The following MARK1 variants were observed in gnomAD, a reference collection of about 807,000 sequenced individuals.
MARK1 encodes the protein microtubule affinity regulating kinase 1.
MARK1 carries 40 observed loss-of-function variants against 96.3 expected under a neutral mutation model. The observed-to-expected ratio is 0.42, with a 90% CI of 0.32 to 0.54. The LOEUF is 0.54. MARK1 is among the 20% of genes least tolerant of loss of function. The pLI is 0.16. For synonymous variants in MARK1, 317 were observed against 341.2 expected (o/e 0.93, Z 0.78); for missense variants, 719 against 984.6 (o/e 0.73, Z 3.61).
chr1:220,647,479 GGGT>G, intron 13 of MARK1, among the ~76,000 whole-genome samples: 1 of 152,312 alleles, frequency 6.6e-6, no homozygotes, highest in South Asian at 2.1e-4. Context: ...GTGGAAGACA[GGGT>G]GGTGATTCCT....
At chr1:220,642,678 A>T (rs1668348040) in intron 13 of MARK1, among the ~76,000 whole-genome samples, 1 of 151,984 alleles carries the variant, frequency 6.6e-6, no homozygotes, top group Admixed American at 6.6e-5. Flanking sequence ...TCTGGGTGAG[A>T]CCTCCCAAGT....
At chr1:220,597,276 T>C (rs185755733) in intron 3 of MARK1, among the ~76,000 whole-genome samples, 39 of 152,276 alleles carry the variant, frequency 2.6e-4, no homozygotes, top group Admixed American at 2.2e-3. Context: ...GTTTTTAATT[T>C]CTTTAGGAAC....
In MARK1 at chr1:220,662,014, G is replaced by T. The variant is rs1186223503; in HGVS notation, c.2236G>T (p.Asp746Tyr). The T allele has an allele frequency of 2.5e-6, 4 of 1,614,128 alleles. No individual in the cohort carries two copies. The highest frequency in any genetic ancestry group is 3.3e-5 in the Admixed American group (2 of 60,010). ...ERFLLFCVHG[D>Y]ARQDSLVQWE... is the part of the protein sequence containing the mutation. Reference sequence around the variant, plus strand: ...ATTTTTGCTTTTCTGTGTCCATGGAGACGCTAGACAGGATAGCCTCGTGCA... The same window carrying T: ...ATTTTTGCTTTTCTGTGTCCATGGATACGCTAGACAGGATAGCCTCGTGCA... Residue 746 changes from aspartate to tyrosine, a missense_variant, in exon 18 of 18, where the codon GAC becomes TAC. Asp to Tyr is a radical substitution (Grantham distance 160). This residue lies in a region of MARK1 where 501 missense variants were observed against 588.3 expected (regional missense o/e 0.85). Transcript: ENST00000366917.
chr1:220,616,473 ATGGTT>A (rs1666755993), intron 7 of MARK1, among the ~76,000 whole-genome samples: 1 of 152,218 alleles, frequency 6.6e-6, no homozygotes, highest in South Asian at 2.1e-4. Context: ...TAGTCAATAA[ATGGTT>A]GTGCCACATA....
chr1:220,620,350 ACT>A (rs879647023), intron 9 of MARK1, among the ~76,000 whole-genome samples: 9 of 152,086 alleles, frequency 5.9e-5, no homozygotes, highest in African/African-American at 1.9e-4. Context: ...AAAATTTTTG[ACT>A]CTCATATCAG....
intron 4 of MARK1, among the ~76,000 whole-genome samples, chr1:220,598,811 C>T (rs765747851): frequency 1.2e-4 from 18 of 151,738 alleles, no homozygotes; most frequent in Non-Finnish European, 1.8e-4. Flanking sequence ...CTGGGCAACA[C>T]GGCAAAAAAA....
chr1:220,574,081 C>T (rs1663669718), intron 1 of MARK1, among the ~76,000 whole-genome samples: 1 of 152,128 alleles, frequency 6.6e-6, no homozygotes, highest in African/African-American at 2.4e-5. Flanking sequence ...TTTCTCTTGA[C>T]AGTGAATCAT....
At chr1:220,627,068 A>G in intron 9 of MARK1, 1 of 539,564 alleles carries the variant, frequency 1.9e-6, no homozygotes, top group Non-Finnish European at 3.8e-6. Context: ...TAACCAGAAC[A>G]CGAATGGTAC....
At position 220,664,250 on chromosome 1, in the gene MARK1, A is replaced by G. The variant is rs533867747; in HGVS notation, c.*2084A>G. 6.6e-6 allele frequency: 1 copy of G among 152,310 alleles called. No individual in the cohort carries two copies. The highest frequency in any genetic ancestry group is 2.1e-4 in the South Asian group (1 of 4,832). 9.4% of individuals were successfully genotyped at this position (152,310 alleles called of 1,614,324 possible). A position where few individuals can be genotyped will look rare whatever the true frequency, so the allele number is the denominator to read the frequency against. ...CTTCAATATCTTTTATGAACTAAAA[A>G]TGAAATCTTGATACTCACTTTAGAT... On this transcript the variant is annotated 3_prime_UTR_variant, in exon 18 of 18. Transcript: ENST00000366917.
chr1:220,624,696 T>TC (rs1318246473), intron 9 of MARK1, among the ~76,000 whole-genome samples: 2 of 152,346 alleles, frequency 1.3e-5, no homozygotes, highest in Non-Finnish European at 2.9e-5. Context: ...ATATATTTTT[T>TC]CTGACAGGAA....
intron 3 of MARK1, among the ~76,000 whole-genome samples, chr1:220,583,529 A>T (rs1358424544): frequency 1.3e-5 from 2 of 152,174 alleles, no homozygotes; most frequent in South Asian, 2.1e-4. Context: ...ATGAGTTTTC[A>T]TAGTTAAAAA....
At chr1:220,553,635 C>T (rs971607226) in intron 1 of MARK1, among the ~76,000 whole-genome samples, 5 of 152,170 alleles carry the variant, frequency 3.3e-5, no homozygotes, top group Admixed American at 2.6e-4. Flanking sequence ...TCGGACAACA[C>T]CCAGCTCATA....
At chr1:220,651,380 A>G (rs1195300680) in intron 14 of MARK1, among the ~76,000 whole-genome samples, 1 of 152,186 alleles carries the variant, frequency 6.6e-6, no homozygotes, top group African/African-American at 2.4e-5. Flanking sequence ...ATAAGAATGT[A>G]AAGTAAGTGC....
At chr1:220,540,148 A>C (rs1572045140) in intron 1 of MARK1, among the ~76,000 whole-genome samples, 1 of 152,244 alleles carries the variant, frequency 6.6e-6, no homozygotes, top group South Asian at 2.1e-4. Context: ...TAGGCTGTAT[A>C]TAGATATATG....
At chr1:220,546,094 A>C (rs1572055586) in intron 1 of MARK1, among the ~76,000 whole-genome samples, 1 of 152,120 alleles carries the variant, frequency 6.6e-6, no homozygotes, top group East Asian at 1.9e-4. Flanking sequence ...TGTCTTCTTT[A>C]GTACTTTTCC....
rs986588035 is a variant in MARK1, at chr1:220,528,818, A to G, written c.-5A>G. 6.4e-7 allele frequency: 1 copy of G among 1,555,740 alleles called. No individual in the cohort carries two copies. The highest frequency in any genetic ancestry group is 8.7e-7 in the Non-Finnish European group (1 of 1,149,714). Reference sequence around the variant, plus strand: ...ACCCCGGCCAGACCCCGCTGCCCGCACAAAATGTCGGCCCGGACGCCATTG... The same window carrying G: ...ACCCCGGCCAGACCCCGCTGCCCGCGCAAAATGTCGGCCCGGACGCCATTG... On this transcript the variant is annotated 5_prime_UTR_variant, in exon 1 of 18. Transcript: ENST00000366917.
Position 220,651,978 on chromosome 1 carries a change from G to T in MARK1, c.1572-8G>T. 1 of 1,561,504 alleles carries T rather than the reference G, an allele frequency of 6.4e-7. No individual in the cohort carries two copies. On this transcript the variant is annotated splice_region_variant and splice_polypyrimidine_tract_variant and intron_variant, in intron 14 of 17. Coordinates refer to ENST00000366917, the MANE Select transcript of MARK1 (RefSeq NM_018650.5). ...TCCATGGTCTTCTCAACTGCTTTAT[G>T]GTGAAAGCCTTACGGAGATGTCTGT...
At chr1:220,599,751 C>G (rs770217468) in intron 4 of MARK1, 47 bp from the exon 5 acceptor site, 10 of 1,030,840 alleles carry the variant, frequency 9.7e-6, no homozygotes, top group South Asian at 9.1e-5. Context: ...AAAGCATATT[C>G]AATCTGTGCT....
intron 3 of MARK1, among the ~76,000 whole-genome samples, chr1:220,587,805 T>A (rs982668496): frequency 6.6e-6 from 1 of 152,238 alleles, no homozygotes; most frequent in African/African-American, 2.4e-5. Flanking sequence ...ATGTATTTTA[T>A]TTTGTTTTTC....
Sources: gnomAD v4.1 joint callset for allele counts (sites outside exome capture counted in the v4.1 genomes callset) on GRCh38, gnomAD v4.1.1 for gene constraint, gnomAD v4.1.1 regional missense constraint, MANE v1.5 for transcripts, NCBI Gene and HGNC (gene_info 2026-07-23, HGNC 2026-07-21) for gene names.